Variants in SCFD2 observed in about 807,000 individuals in gnomAD.
The protein encoded by SCFD2 is sec1 family domain-containing protein 2.
Under a neutral mutation model 58.9 loss-of-function variants are expected in SCFD2, and 54 were observed. The ratio of observed to expected loss-of-function variants is 0.92; its 90% CI spans 0.74 to 1.15. The LOEUF is 1.15. Ranked by LOEUF, SCFD2 falls within the 50% of genes most tolerant of loss-of-function variation. SCFD2 has a pLI of 0.00. For synonymous variants in SCFD2, 321 were observed against 335.9 expected (o/e 0.96, Z 0.49); for missense variants, 805 against 836.6 (o/e 0.96, Z 0.47).
intron 4 of SCFD2, among the ~76,000 whole-genome samples, chr4:53,253,437 C>A (rs1443789134): frequency 1.3e-5 from 2 of 152,058 alleles, no homozygotes; most frequent in African/African-American, 4.8e-5. Context: ...GACACATGCA[C>A]ACGTATGTTT....
chr4:53,365,253 A>T lies in SCFD2; in HGVS notation c.689T>A (p.Leu230Ter). 1 of 1,614,172 alleles carries T rather than the reference A, an allele frequency of 6.2e-7. No individual in the cohort carries two copies. Among genetic ancestry groups the T allele is most frequent in the Non-Finnish European group, 8.5e-7 (1 of 1,180,020 alleles). ...AGCAAAACACTCCTCCCGTACTCCT[A>T]AATGTTCACACAGAGAACTGAGGCC... ...VSGLSSLCEH[L>*]GVREECFAVG... Residue 230 changes from leucine (L) to a stop codon, truncating the protein, a stop_gained, in exon 1 of 9, where the codon TTA becomes TAA. Transcript: ENST00000401642. LOFTEE classifies it high-confidence loss of function. The surrounding 1 kb of genome is among the most constrained non-coding windows in gnomAD (Gnocchi z 4.3).
rs183083785 is a variant in SCFD2, at chr4:53,239,840, A to G, written c.1311+33986T>C. Among the ~76,000 whole-genome samples the G allele has an allele frequency of 2.0e-5, 3 of 152,312 alleles. No homozygotes were observed. In the East Asian group the frequency reaches 5.8e-4, roughly 29 times the overall value. ...CTGTATAGACCCAAGCTAAATTAAG[A>G]CATTCTCGAGCTATCAGCAATCCAC... On this transcript the variant is annotated intron_variant, in intron 4 of 8. Coordinates refer to ENST00000401642, the MANE Select transcript of SCFD2 (RefSeq NM_152540.4).
chr4:53,216,458 T>G (rs1025426961), intron 4 of SCFD2, among the ~76,000 whole-genome samples: 1 of 152,212 alleles, frequency 6.6e-6, no homozygotes, highest in Non-Finnish European at 1.5e-5. Context: ...TATTCTCTGA[T>G]AGTAGTTTGC....
intron 4 of SCFD2, among the ~76,000 whole-genome samples, chr4:53,161,398 T>C (rs1343185571): frequency 6.6e-6 from 1 of 152,178 alleles, no homozygotes; most frequent in East Asian, 1.9e-4. Context: ...TTATCCAAAG[T>C]AAGAGCAGGA....
At chr4:52,936,126 C>G (rs147962491) in intron 5 of SCFD2, among the ~76,000 whole-genome samples, 1 of 152,108 alleles carries the variant, frequency 6.6e-6, no homozygotes, top group Non-Finnish European at 1.5e-5. Flanking sequence ...TGTGAGCCAC[C>G]GCACCCAGAC....
chr4:53,237,649 C>A (rs1577878381), intron 4 of SCFD2, among the ~76,000 whole-genome samples: 2 of 131,330 alleles, frequency 1.5e-5, no homozygotes, highest in African/African-American at 6.2e-5. Context: ...GGGGGCTGAC[C>A]CCCCCACCTC....
chr4:53,344,394 G>T (rs1307426042), intron 2 of SCFD2, among the ~76,000 whole-genome samples: 1 of 152,128 alleles, frequency 6.6e-6, no homozygotes, highest in East Asian at 1.9e-4. Flanking sequence ...ACTTACAAGG[G>T]ATGTGAAGGA....
At chr4:52,974,172 C>A (rs1422037575) in intron 5 of SCFD2, among the ~76,000 whole-genome samples, 1 of 152,092 alleles carries the variant, frequency 6.6e-6, no homozygotes, top group Non-Finnish European at 1.5e-5. Flanking sequence ...CTGGCCAGGG[C>A]AATCAGGAAG....
intron 4 of SCFD2, among the ~76,000 whole-genome samples, chr4:53,246,092 A>G (rs1730061053): frequency 6.6e-6 from 1 of 152,170 alleles, no homozygotes; most frequent in South Asian, 2.1e-4. Context: ...AATCCCATTT[A>G]CAACTGCCAC....
At chr4:53,178,033 A>C (rs1237930143) in intron 4 of SCFD2, among the ~76,000 whole-genome samples, 1 of 152,218 alleles carries the variant, frequency 6.6e-6, no homozygotes, top group African/African-American at 2.4e-5. Flanking sequence ...GGTGGAGCCC[A>C]CCACAGCTCC....
At chr4:53,097,392 G>C (rs932807849) in intron 5 of SCFD2, among the ~76,000 whole-genome samples, 1 of 152,118 alleles carries the variant, frequency 6.6e-6, no homozygotes. Context: ...TTATTTCATT[G>C]AGCAATGGTT....
intron 5 of SCFD2, among the ~76,000 whole-genome samples, chr4:52,991,451 C>A (rs1322656756): frequency 6.6e-6 from 1 of 152,118 alleles, no homozygotes; most frequent in Non-Finnish European, 1.5e-5. Flanking sequence ...AGGGGAGAAC[C>A]CCTACTACCA....
intron 5 of SCFD2, among the ~76,000 whole-genome samples, chr4:52,984,161 AG>A (rs1026218573): frequency 5.3e-5 from 8 of 152,256 alleles, no homozygotes; most frequent in African/African-American, 1.9e-4. Flanking sequence ...GGAAGCCACT[AG>A]GGTGGTAAAT....
At chr4:53,004,749 A>C (rs1356509882) in intron 5 of SCFD2, among the ~76,000 whole-genome samples, 1 of 152,058 alleles carries the variant, frequency 6.6e-6, no homozygotes, top group Non-Finnish European at 1.5e-5. Context: ...GTGAATCCCC[A>C]CCCTGACACC....
intron 5 of SCFD2, among the ~76,000 whole-genome samples, chr4:53,127,199 A>G (rs1419081875): frequency 6.6e-6 from 1 of 152,214 alleles, no homozygotes; most frequent in Admixed American, 6.5e-5. Flanking sequence ...AATGGGATTT[A>G]AAAACTCTCA....
intron 4 of SCFD2, among the ~76,000 whole-genome samples, chr4:53,223,589 G>C (rs1462012730): frequency 6.6e-6 from 1 of 152,106 alleles, no homozygotes; most frequent in Non-Finnish European, 1.5e-5. Flanking sequence ...TTCCCTAACC[G>C]GCAATTCCCT....
At position 53,273,919 on chromosome 4, in the gene SCFD2, G is replaced by C. The variant is rs553319831; in HGVS notation, c.1218C>G (p.Leu406=). 3 of 1,613,938 alleles carry C rather than the reference G, an allele frequency of 1.9e-6. No individual in the cohort carries two copies. The highest frequency in any genetic ancestry group is 2.5e-6 in the Non-Finnish European group (3 of 1,179,878). Residue 406 remains leucine (L), a synonymous_variant, in exon 4 of 9, where the codon CTC becomes CTG. Transcript: ENST00000401642. ...GAGCTGTGGCCAGTCCAAGCTGGAGGAGGCCACAATGATTCATTAGAGCTT... is the reference window on the plus strand; with the variant it reads ...GAGCTGTGGCCAGTCCAAGCTGGAGCAGGCCACAATGATTCATTAGAGCTT... ...NLKALMNHCG[L]LQLGLATAQT...
intron 5 of SCFD2, chr4:52,956,889 C>T (rs937176768): frequency 2.7e-5 from 4 of 146,022 alleles, no homozygotes; most frequent in South Asian, 2.4e-4. Flanking sequence ...GGAGCTGCCC[C>T]GGGTGAGCAG....
chr4:52,982,323 T>C (rs1446420871), intron 5 of SCFD2, among the ~76,000 whole-genome samples: 1 of 152,224 alleles, frequency 6.6e-6, no homozygotes, highest in African/African-American at 2.4e-5. Context: ...ACGGGCTAGT[T>C]TGACTGCATA....
Sources: gnomAD v4.1 joint callset for allele counts (sites outside exome capture counted in the v4.1 genomes callset) on GRCh38, gnomAD v4.1.1 for gene constraint, Gnocchi (gnomAD v3.1) non-coding constraint, MANE v1.5 for transcripts, NCBI Gene and HGNC (gene_info 2026-07-23, HGNC 2026-07-21) for gene names.